Variants in PTPRN2 observed in about 807,000 individuals in gnomAD.
The protein encoded by PTPRN2 is protein tyrosine phosphatase receptor type N2.
In PTPRN2, 74 loss-of-function variants were observed where a neutral mutation model predicts 118.8. The ratio of observed to expected loss-of-function variants is 0.62; its 90% CI spans 0.52 to 0.76. The LOEUF (loss-of-function observed/expected upper bound fraction) is 0.76. PTPRN2 is among the 30% of genes least tolerant of loss of function. The pLI is 0.00. For missense variants in PTPRN2, 1,481 were observed against 1,394.4 expected (o/e 1.06, Z -0.99); for synonymous variants, 641 against 608.0 (o/e 1.05, Z -0.80).
chr7:158,531,336 G>A (rs1393527622), intron 1 of PTPRN2, among the ~76,000 whole-genome samples: 1 of 152,198 alleles, frequency 6.6e-6, no homozygotes, highest in South Asian at 2.1e-4. Context: ...TCCCTCTCCA[G>A]AGTCGAGCTC....
chr7:157,557,804 T>C (rs934081752), intron 21 of PTPRN2, among the ~76,000 whole-genome samples: 4 of 152,164 alleles, frequency 2.6e-5, no homozygotes, highest in Non-Finnish European at 5.9e-5. Flanking sequence ...TGTTTTTTTT[T>C]CCTTTGAACA....
At position 158,546,867 on chromosome 7, in the gene PTPRN2, G is replaced by A. The variant is rs1159703770; in HGVS notation, c.112+40691C>T. ...GGGGCTCAGCTTATGGTTAACGCTG[G>A]GGCTGCCTTCATCTCACGCATGCTG... is the stretch of plus-strand genomic sequence containing the variant. On this transcript the variant is annotated intron_variant, in intron 1 of 22. Coordinates refer to ENST00000389418, the MANE Select transcript of PTPRN2 (RefSeq NM_002847.5). This position sits in a 1 kb window ranked among gnomAD's most constrained non-coding sequence, Gnocchi z 5.0. Among the ~76,000 whole-genome samples, 1 of 152,206 alleles carries A rather than the reference G, an allele frequency of 6.6e-6. No individual in the cohort carries two copies. Among genetic ancestry groups the A allele is most frequent in the African/African-American group, 2.4e-5 (1 of 41,454 alleles).
intron 13 of PTPRN2, among the ~76,000 whole-genome samples, chr7:157,657,091 TACGCCACACACACAC>T (rs1795535175): frequency 3.4e-5 from 1 of 29,010 alleles, no homozygotes; most frequent in Admixed American, 4.5e-4. Context: ...TACACACACA[TACGCCACACACACAC>T]ACCACACACA....
intron 3 of PTPRN2, among the ~76,000 whole-genome samples, chr7:158,207,073 C>A (rs1827214259): frequency 6.8e-6 from 1 of 148,068 alleles, no homozygotes. Flanking sequence ...GTTTTTTGTT[C>A]TTGCGATAGT....
chr7:158,305,029 G>A lies in PTPRN2; in HGVS notation c.277+11790C>T, dbSNP rs112208564. Among the ~76,000 whole-genome samples the A allele has an allele frequency of 9.0e-4, 137 of 152,260 alleles. 2 individuals are homozygous for A. The highest frequency in any genetic ancestry group is 2.8e-3 in the African/African-American group (115 of 41,550). On this transcript the variant is annotated intron_variant, in intron 3 of 22. Transcript: ENST00000389418. The stretch of plus-strand genomic sequence containing the variant: ...CAATCTGCCATGTTGGTACCTTATA[G>A]CTGCAAAAGGTCTGCTTTGTCTGTC...
At chr7:157,920,907 T>C (rs1271909761) in intron 11 of PTPRN2, among the ~76,000 whole-genome samples, 1 of 152,164 alleles carries the variant, frequency 6.6e-6, no homozygotes, top group African/African-American at 2.4e-5. Flanking sequence ...AAACAACTGA[T>C]AGGCAGGACT....
At chr7:158,539,741 A>G in intron 1 of PTPRN2, 1 of 257,546 alleles carries the variant, frequency 3.9e-6, no homozygotes, top group African/African-American at 2.3e-5. Context: ...GTGAGCCTGG[A>G]GCTGATGACA....
chr7:158,177,291 G>A (rs1427384525), intron 5 of PTPRN2, among the ~76,000 whole-genome samples: 1 of 152,124 alleles, frequency 6.6e-6, no homozygotes, highest in African/African-American at 2.4e-5. Flanking sequence ...GTGACATGAA[G>A]TGGTTGTTCT....
chr7:157,705,824 C>T (rs1242784), intron 12 of PTPRN2, among the ~76,000 whole-genome samples: 21,760 of 150,892 alleles, frequency 0.14, 1,492 homozygotes, highest in Admixed American at 0.19. Flanking sequence ...ATGAATCTGA[C>T]CCAGGTGCCT....
intron 2 of PTPRN2, among the ~76,000 whole-genome samples, chr7:158,317,468 G>C (rs1240991790): frequency 6.6e-6 from 1 of 152,228 alleles, no homozygotes; most frequent in East Asian, 1.9e-4. Flanking sequence ...AACGGTGTGG[G>C]ACTAATGGGG....
chr7:158,131,167 C>T (rs1818229402), intron 9 of PTPRN2, among the ~76,000 whole-genome samples: 1 of 134,640 alleles, frequency 7.4e-6, no homozygotes, highest in South Asian at 2.4e-4. Context: ...CGAAGATGCA[C>T]ATCATACCAA....
Position 157,627,956 on chromosome 7 carries a change from T to A in PTPRN2, c.2197-6447A>T, listed in dbSNP as rs1353630513. Reference sequence around the variant, plus strand: ...AATCTACTTTGTTAGAGATATGAACTCAATCTAAGGTTTCCCCTGTCATCC... The same window carrying A: ...AATCTACTTTGTTAGAGATATGAACACAATCTAAGGTTTCCCCTGTCATCC... On this transcript the variant is annotated intron_variant, in intron 14 of 22. Coordinates refer to ENST00000389418, the MANE Select transcript of PTPRN2 (RefSeq NM_002847.5). This position sits in a 1 kb window ranked among gnomAD's most constrained non-coding sequence, Gnocchi z 4.2. Among the ~76,000 whole-genome samples, 3 of 152,218 alleles carry A rather than the reference T, an allele frequency of 2.0e-5. No homozygotes were observed. The highest frequency in any genetic ancestry group is 2.0e-4 in the Admixed American group (3 of 15,284).
intron 2 of PTPRN2, among the ~76,000 whole-genome samples, chr7:158,377,858 C>T (rs1810670501): frequency 1.3e-5 from 2 of 152,252 alleles, no homozygotes; most frequent in Admixed American, 6.5e-5. Flanking sequence ...CAGAAGCCTC[C>T]CCCACAGTCC....
intron 11 of PTPRN2, among the ~76,000 whole-genome samples, chr7:157,900,272 T>C (rs1440504494): frequency 1.3e-5 from 2 of 152,224 alleles, no homozygotes; most frequent in Admixed American, 1.3e-4. Context: ...TGGAGGTAGC[T>C]GCAGACCACG....
chr7:158,255,885 C>T (rs1796992151), intron 3 of PTPRN2, among the ~76,000 whole-genome samples: 2 of 152,172 alleles, frequency 1.3e-5, no homozygotes, highest in South Asian at 4.1e-4. Context: ...TCTGCCTGTT[C>T]CAGCTGGACC....
At chr7:158,147,305 C>A (rs1490680441) in intron 6 of PTPRN2, among the ~76,000 whole-genome samples, 1 of 119,574 alleles carries the variant, frequency 8.4e-6, no homozygotes, top group African/African-American at 3.7e-5. Flanking sequence ...AATGACACCC[C>A]ATCTCATGCC....
chr7:157,933,644 G>A (rs755809883), intron 11 of PTPRN2, among the ~76,000 whole-genome samples: 4 of 151,274 alleles, frequency 2.6e-5, no homozygotes, highest in Middle Eastern at 3.5e-3. Context: ...GACAGTTTTA[G>A]AGGAGGGGTG....
intron 12 of PTPRN2, among the ~76,000 whole-genome samples, chr7:157,748,755 C>A (rs1236738252): frequency 4.3e-5 from 5 of 116,334 alleles, no homozygotes; most frequent in Admixed American, 8.1e-5. Flanking sequence ...CCGGGTGATT[C>A]TGAGGCCTGC....
intron 11 of PTPRN2, among the ~76,000 whole-genome samples, chr7:157,900,762 C>A (rs2128752765): frequency 6.6e-6 from 1 of 152,298 alleles, no homozygotes; most frequent in South Asian, 2.1e-4. Context: ...TCTCACAGTT[C>A]ATGGTGTGCA....
Sources: allele counts gnomAD v4.1 joint callset (sites outside exome capture counted in the v4.1 genomes callset), GRCh38; gene constraint gnomAD v4.1.1; non-coding constraint Gnocchi (gnomAD v3.1); transcripts MANE v1.5; gene names NCBI Gene and HGNC (gene_info 2026-07-23, HGNC 2026-07-21).